Variants in SH3GL2 observed in about 807,000 individuals in gnomAD.
The protein encoded by SH3GL2 is SH3 domain containing GRB2 like 2, endophilin A1.
In SH3GL2, 24 loss-of-function variants were observed where a neutral mutation model predicts 46.0. The ratio of observed to expected loss-of-function variants is 0.52; its 90% confidence interval spans 0.38 to 0.73. The LOEUF is 0.73. SH3GL2 is among the 30% of genes least tolerant of loss of function. The pLI, the probability that SH3GL2 is intolerant of heterozygous loss-of-function variation, is 0.00. For synonymous variants in SH3GL2, 196 were observed against 147.1 expected, an observed-to-expected ratio of 1.33 and a Z score of -2.40; for missense variants, 413 against 424.2, an observed-to-expected ratio of 0.97 and a Z score of 0.23.
intron 1 of SH3GL2, among the ~76,000 whole-genome samples, chr9:17,677,152 C>G (rs953537886): frequency 1.3e-5 from 2 of 149,970 alleles, no homozygotes; most frequent in Non-Finnish European, 2.9e-5. Flanking sequence ...CTGACTTGGT[C>G]TCTGTGAAGA....
intron 1 of SH3GL2, among the ~76,000 whole-genome samples, chr9:17,659,423 A>T (rs543060561): frequency 6.6e-6 from 1 of 152,222 alleles, no homozygotes; most frequent in African/African-American, 2.4e-5. Context: ...TGTCCTTGGA[A>T]TGTCAGCCAT....
At position 17,690,786 on chromosome 9, in the gene SH3GL2, A is replaced by G. The variant is rs186928637; in HGVS notation, c.46-56280A>G. Among the ~76,000 whole-genome samples, 187 of 151,086 alleles carry G rather than the reference A, an allele frequency of 1.2e-3. 6 individuals are homozygous for G. In the East Asian group the frequency reaches 0.032, roughly 26 times the overall value. On this transcript the variant is annotated intron_variant, in intron 1 of 8. Transcript: ENST00000380607. ...AAAATACAAAGGCTGAAGAACTCAT[A>G]GTGGAAACACATGGTCTCCATATCA...
intron 1 of SH3GL2, among the ~76,000 whole-genome samples, chr9:17,703,288 T>C (rs779474364): frequency 2.0e-5 from 3 of 152,110 alleles, no homozygotes; most frequent in Non-Finnish European, 4.4e-5. Flanking sequence ...TGAATCTCTT[T>C]TCATAAAAAT....
chr9:17,786,654 T>C, intron 4 of SH3GL2, 130 bp downstream of exon 4: 9 of 835,438 alleles, frequency 1.1e-5, no homozygotes, highest in Non-Finnish European at 1.7e-5. Context: ...CCTACACACA[T>C]GGGCCAAAAA....
intron 1 of SH3GL2, among the ~76,000 whole-genome samples, chr9:17,672,268 C>G (rs761579679): frequency 8.5e-5 from 13 of 152,150 alleles, no homozygotes; most frequent in Non-Finnish European, 1.5e-4. Flanking sequence ...TTTTAGAAAT[C>G]TTGGTTTCCA....
intron 3 of SH3GL2, among the ~76,000 whole-genome samples, chr9:17,779,696 ATCT>A (rs1208160626): frequency 7.2e-5 from 11 of 152,092 alleles, no homozygotes; most frequent in African/African-American, 2.2e-4. Flanking sequence ...GGGGGCAATT[ATCT>A]TCTGCTTCTT....
chr9:17,629,075 G>C (rs1819361044), intron 1 of SH3GL2, among the ~76,000 whole-genome samples: 1 of 151,764 alleles, frequency 6.6e-6, no homozygotes, highest in Admixed American at 6.6e-5. Flanking sequence ...TAGATGAATT[G>C]GGATGTTGAC....
intron 2 of SH3GL2, among the ~76,000 whole-genome samples, chr9:17,749,667 A>G (rs1322343095): frequency 2.6e-5 from 4 of 152,240 alleles, no homozygotes; most frequent in Non-Finnish European, 5.9e-5. Context: ...GAGACTAAAA[A>G]GAACAGGAAA....
chr9:17,654,566 G>T (rs1023158724), intron 1 of SH3GL2, among the ~76,000 whole-genome samples: 5 of 152,100 alleles, frequency 3.3e-5, no homozygotes, highest in Non-Finnish European at 5.9e-5. Context: ...TTAGGGCTTG[G>T]AATGAATAGA....
At chr9:17,660,588 C>G (rs138392080) in intron 1 of SH3GL2, among the ~76,000 whole-genome samples, 181 of 152,160 alleles carry the variant, frequency 1.2e-3, no homozygotes, top group African/African-American at 3.8e-3. Context: ...AAGTTTAAAT[C>G]CAAATGATTT....
intron 1 of SH3GL2, among the ~76,000 whole-genome samples, chr9:17,643,201 G>A (rs1819728190): frequency 6.6e-6 from 1 of 152,104 alleles, no homozygotes; most frequent in South Asian, 2.1e-4. Context: ...TCTATTTTTG[G>A]TGTATAGGAA....
At chr9:17,746,843 A>G (rs1822703222) in intron 1 of SH3GL2, among the ~76,000 whole-genome samples, 1 of 152,338 alleles carries the variant, frequency 6.6e-6, no homozygotes, top group East Asian at 1.9e-4. Flanking sequence ...AGAAGATACA[A>G]ATTTGAATGC....
At chr9:17,639,102 G>A (rs893686044) in intron 1 of SH3GL2, among the ~76,000 whole-genome samples, 1 of 152,192 alleles carries the variant, frequency 6.6e-6, no homozygotes, top group Non-Finnish European at 1.5e-5. Flanking sequence ...ATTCTAAATT[G>A]TAAGATTTGA....
intron 1 of SH3GL2, among the ~76,000 whole-genome samples, chr9:17,727,898 C>T (rs570370196): frequency 1.1e-4 from 16 of 152,200 alleles, no homozygotes; most frequent in Admixed American, 7.2e-4. Flanking sequence ...GCTGTCCCTT[C>T]ATCCTCATTC....
chr9:17,579,168 C>T lies in SH3GL2; in HGVS notation c.-75C>T, dbSNP rs944606362. 45 of 1,127,930 alleles carry T rather than the reference C, an allele frequency of 4.0e-5. No individual in the cohort carries two copies. The highest frequency in any genetic ancestry group is 4.9e-5 in the Non-Finnish European group (40 of 814,208). The allele number at this position is 1,127,930 out of a possible 1,614,324, so 69.9% of individuals were successfully genotyped here. A position where few individuals can be genotyped will look rare whatever the true frequency, so the allele number is the denominator to read the frequency against. ...ACCAGAGGCGGCCAGGGGAGCGCGC[C>T]GCCCCGCTCGGCCCTCCAGTCCCCC... On this transcript the variant is annotated 5_prime_UTR_variant, in exon 1 of 9. Coordinates refer to ENST00000380607, the MANE Select transcript of SH3GL2 (RefSeq NM_003026.5).
chr9:17,677,261 G>T (rs1032484258), intron 1 of SH3GL2, among the ~76,000 whole-genome samples: 1 of 152,004 alleles, frequency 6.6e-6, no homozygotes, highest in African/African-American at 2.4e-5. Flanking sequence ...TCATTCTCAT[G>T]TTCACATTCA....
At chr9:17,689,255 A>T (rs770421565) in intron 1 of SH3GL2, among the ~76,000 whole-genome samples, 24 of 152,174 alleles carry the variant, frequency 1.6e-4, no homozygotes, top group South Asian at 2.1e-4. Context: ...GTCATCAAAA[A>T]CAAAGAAAAG....
In SH3GL2 at chr9:17,789,783, A is replaced by T. The variant is rs181306097; in HGVS notation, c.624+233A>T. On this transcript the variant is annotated intron_variant, in intron 6 of 8. Transcript: ENST00000380607. ...ATTCTCGACTGCTAATGAATCTTAA[A>T]GTACAGATGCTCCTTAACTTATGAT... The T allele has an allele frequency of 1.0e-5, 10 of 983,200 alleles. No homozygotes were observed. In the East Asian group the frequency reaches 1.0e-3, roughly 100 times the overall value. The allele number at this position is 983,200 out of a possible 1,614,324, so 60.9% of individuals were successfully genotyped here. A position where few individuals can be genotyped will look rare whatever the true frequency, so the allele number is the denominator to read the frequency against.
At chr9:17,683,975 C>T (rs926373026) in intron 1 of SH3GL2, among the ~76,000 whole-genome samples, 1 of 152,064 alleles carries the variant, frequency 6.6e-6, no homozygotes, top group South Asian at 2.1e-4. Flanking sequence ...TGTTCATTTC[C>T]AGGCACAAAT....
Sources: gnomAD v4.1 joint callset for allele counts (sites outside exome capture counted in the v4.1 genomes callset) on GRCh38, gnomAD v4.1.1 for gene constraint, MANE v1.5 for transcripts, NCBI Gene and HGNC (gene_info 2026-07-23, HGNC 2026-07-21) for gene names.